Variants in CDK5RAP2 observed in about 807,000 individuals in gnomAD.
CDK5RAP2 encodes the protein CDK5 regulatory subunit-associated protein 2.
In CDK5RAP2, 147 loss-of-function variants were observed where a neutral mutation model predicts 232.9. The observed-to-expected ratio is 0.63, with a 90% CI of 0.55 to 0.72. CDK5RAP2 has a LOEUF of 0.72. Ranked by LOEUF, CDK5RAP2 falls within the 30% of genes least tolerant of loss-of-function variation. The pLI, the probability that CDK5RAP2 is intolerant of heterozygous loss-of-function variation, is 0.00. For missense variants in CDK5RAP2, 2,195 were observed against 2,231.5 expected, an observed-to-expected ratio of 0.98 and a Z score of 0.33; for synonymous variants, 833 against 833.7, an observed-to-expected ratio of 1.00 and a Z score of 0.01.
At chr9:120,505,377 G>C (rs754251017) in intron 12 of CDK5RAP2, among the ~76,000 whole-genome samples, 5 of 152,048 alleles carry the variant, frequency 3.3e-5, no homozygotes, top group Admixed American at 6.6e-5. Flanking sequence ...TCCACCAACT[G>C]GCCATTCCCT....
At chr9:120,554,993 A>C (rs898811927) in intron 3 of CDK5RAP2, among the ~76,000 whole-genome samples, 1 of 152,208 alleles carries the variant, frequency 6.6e-6, no homozygotes, top group Non-Finnish European at 1.5e-5. Flanking sequence ...AAAATCATGT[A>C]CTAAGACATA....
chr9:120,551,605 A>G (rs932687334), intron 3 of CDK5RAP2, among the ~76,000 whole-genome samples: 3 of 152,340 alleles, frequency 2.0e-5, no homozygotes, highest in Admixed American at 1.3e-4. Context: ...TCTAAGTTGA[A>G]GAACATTCTG....
Position 120,518,546 on chromosome 9 carries a change from G to A in CDK5RAP2, c.1192C>T (p.Arg398Cys), listed in dbSNP as rs760516442. The change falls in exon 12 of 38, where the codon CGT becomes TGT. Residue 398 changes from arginine (R) to cysteine (C), a missense_variant. Coordinates refer to ENST00000349780, the MANE Select transcript of CDK5RAP2 (RefSeq NM_018249.6). ...LTKSTENHRL[R>C]RSIKKITQEL... ...TGGGTGATCTTCTTAATGCTTCTAC[G>A]CAGTCTGTGGTTCTCTGTACTCTTG... The A allele has an allele frequency of 2.2e-5, 36 of 1,613,396 alleles. No individual in the cohort carries two copies. In the African/African-American group the frequency reaches 2.8e-4, roughly 13 times the overall value.
intron 20 of CDK5RAP2, among the ~76,000 whole-genome samples, chr9:120,455,092 G>T (rs568479766): frequency 4.0e-4 from 61 of 152,238 alleles, no homozygotes; most frequent in African/African-American, 1.2e-3. Context: ...TGGGCACTGG[G>T]GATACAAAAC....
intron 27 of CDK5RAP2, among the ~76,000 whole-genome samples, chr9:120,417,043 T>G (rs191484211): frequency 5.6e-4 from 86 of 152,344 alleles, no homozygotes; most frequent in African/African-American, 2.0e-3. Flanking sequence ...AGAAGGACTC[T>G]TGTCTGCAAA....
rs147216082 is a variant in CDK5RAP2, at chr9:120,509,941, C to T, written c.1311+8486G>A. On this transcript the variant is annotated intron_variant, in intron 12 of 37. Transcript: ENST00000349780. ...TAAAGAGACCAACTCAAAACTTTCA[C>T]ACCTAATACACACACACACACACAC... Among the ~76,000 whole-genome samples, 933 of 151,852 alleles carry T rather than the reference C, an allele frequency of 6.1e-3. 8 individuals carry two copies. The highest frequency in any genetic ancestry group is 0.021 in the African/African-American group (883 of 41,210).
chr9:120,545,371 G>A (rs1175378749), intron 5 of CDK5RAP2, among the ~76,000 whole-genome samples: 2 of 152,156 alleles, frequency 1.3e-5, no homozygotes, highest in Non-Finnish European at 1.5e-5. Flanking sequence ...ACTAACAGTG[G>A]TCAGAATGGT....
At chr9:120,402,629 C>T (rs1325648177) in intron 34 of CDK5RAP2, among the ~76,000 whole-genome samples, 177 bp downstream of exon 34, 1 of 152,172 alleles carries the variant, frequency 6.6e-6, no homozygotes, top group East Asian at 1.9e-4. Flanking sequence ...CCACCAAACA[C>T]AGCCACCACC....
In CDK5RAP2 at chr9:120,439,427, T is replaced by C. The variant is rs962594536; in HGVS notation, c.3694A>G (p.Asn1232Asp). The change falls in exon 24 of 38, where the codon AAT (asparagine) becomes GAT (aspartate). Residue 1232 changes from asparagine (N) to aspartate (D), a missense_variant. Coordinates refer to ENST00000349780, the MANE Select transcript of CDK5RAP2 (RefSeq NM_018249.6). ...QLFSEIHNLQ[N>D]KFRDLSPPRY... ...GGAGGTGAGAGATCTCTGAACTTAT[T>C]CTGCAGATTATGGATCTCACTGAAA... 3 of 1,614,026 alleles carry C rather than the reference T, an allele frequency of 1.9e-6. No homozygotes were observed. The African/African-American group carries it at 4.0e-5, about 22-fold the overall frequency.
chr9:120,575,212 C>T (rs1008544933), intron 1 of CDK5RAP2, among the ~76,000 whole-genome samples: 2 of 152,066 alleles, frequency 1.3e-5, no homozygotes, highest in Non-Finnish European at 2.9e-5. Flanking sequence ...CCACCACGCC[C>T]GGCTAATTTT....
intron 4 of CDK5RAP2, among the ~76,000 whole-genome samples, chr9:120,546,779 G>A (rs535640592): frequency 7.9e-5 from 12 of 152,078 alleles, no homozygotes; most frequent in Non-Finnish European, 1.5e-4. Context: ...GACTATAGGC[G>A]TGCACTGCCA....
At chr9:120,569,375 AT>A (rs1002026779) in intron 2 of CDK5RAP2, among the ~76,000 whole-genome samples, 4 of 152,256 alleles carry the variant, frequency 2.6e-5, no homozygotes, top group African/African-American at 9.6e-5. Flanking sequence ...AAGGTGATAA[AT>A]GCTATGGAGA....
intron 31 of CDK5RAP2, 77 bp from the exon 32 acceptor site, chr9:120,407,325 T>C (rs942626531): frequency 9.5e-7 from 1 of 1,049,204 alleles, no homozygotes; most frequent in Admixed American, 1.7e-5. Flanking sequence ...TCAATCGCAT[T>C]TTACACTCAC....
At chr9:120,408,133 G>C in intron 31 of CDK5RAP2, 1 of 603,916 alleles carries the variant, frequency 1.7e-6, no homozygotes. Context: ...CCCGGACCTC[G>C]GCTGGCCTGG....
intron 20 of CDK5RAP2, among the ~76,000 whole-genome samples, chr9:120,456,205 G>A (rs1313415486): frequency 6.6e-6 from 1 of 152,258 alleles, no homozygotes; most frequent in Non-Finnish European, 1.5e-5. Flanking sequence ...GAAAGAAAAT[G>A]CAGGTCTGGG....
chr9:120,448,239 C>A, intron 21 of CDK5RAP2, 113 bp from the exon 22 acceptor site: 1 of 865,222 alleles, frequency 1.2e-6, no homozygotes, highest in Non-Finnish European at 1.9e-6. Flanking sequence ...GCTGCCCAGA[C>A]TTCTCGTTCC....
At chr9:120,489,541 A>G (rs1470541737) in intron 13 of CDK5RAP2, among the ~76,000 whole-genome samples, 1 of 151,530 alleles carries the variant, frequency 6.6e-6, no homozygotes, top group African/African-American at 2.4e-5. Flanking sequence ...TCATCTTTTT[A>G]TTTGTTTAGT....
chr9:120,519,142 C>A (rs150202799), intron 11 of CDK5RAP2, among the ~76,000 whole-genome samples: 3,146 of 151,534 alleles, frequency 0.021, 46 homozygotes, highest in Non-Finnish European at 0.032. Context: ...CCACTGCACT[C>A]CAGCCTGGGT....
chr9:120,473,677 T>A (rs980609409), intron 15 of CDK5RAP2, among the ~76,000 whole-genome samples: 5 of 152,202 alleles, frequency 3.3e-5, no homozygotes, highest in African/African-American at 9.7e-5. Context: ...ATCATAATGA[T>A]CAATTTGTAA....
Sources: allele counts gnomAD v4.1 joint callset (sites outside exome capture counted in the v4.1 genomes callset), GRCh38; gene constraint gnomAD v4.1.1; transcripts MANE v1.5; gene names NCBI Gene and HGNC (gene_info 2026-07-23, HGNC 2026-07-21).